PPARG: variants seen among roughly 807,000 people sequenced by gnomAD.
The protein encoded by PPARG is peroxisome proliferator activated receptor gamma.
In PPARG, 17 loss-of-function variants were observed where a neutral mutation model predicts 39.2. The ratio of observed to expected loss-of-function variants is 0.43; its 90% CI spans 0.30 to 0.65. The LOEUF (loss-of-function observed/expected upper bound fraction) is 0.65. Among genes scored for constraint, PPARG ranks in the 30% least tolerant of loss-of-function variants. The pLI, the probability that PPARG is intolerant of heterozygous loss-of-function variation, is 0.13. For missense variants in PPARG, 406 were observed against 585.9 expected, an observed-to-expected ratio of 0.69 and a Z score of 3.17; for synonymous variants, 223 against 215.7, an observed-to-expected ratio of 1.03 and a Z score of -0.30.
At chr3:12,389,554 C>T (rs900411331) in intron 4 of PPARG, among the ~76,000 whole-genome samples, 3 of 152,108 alleles carry the variant, frequency 2.0e-5, no homozygotes, top group African/African-American at 7.2e-5. Flanking sequence ...TAATGGAATT[C>T]AAAGTGTTAA....
chr3:12,375,549 A>G (rs1489956491), intron 2 of PPARG, among the ~76,000 whole-genome samples: 2 of 152,174 alleles, frequency 1.3e-5, no homozygotes, highest in African/African-American at 2.4e-5. Flanking sequence ...CAGTGTAGAC[A>G]AGGGAAATAT....
chr3:12,395,254 T>G (rs1219829305), intron 5 of PPARG, among the ~76,000 whole-genome samples: 1 of 152,252 alleles, frequency 6.6e-6, no homozygotes, highest in African/African-American at 2.4e-5. Context: ...TGCTCTGGTC[T>G]TCACAGATAG....
intron 6 of PPARG, among the ~76,000 whole-genome samples, chr3:12,414,184 T>C (rs1175218116): frequency 3.9e-5 from 6 of 152,196 alleles, no homozygotes; most frequent in Non-Finnish European, 8.8e-5. Flanking sequence ...GCTCTGAAAG[T>C]TGAAGTGGGC....
At chr3:12,321,905 T>C (rs572221770) in intron 2 of PPARG, among the ~76,000 whole-genome samples, 20 of 152,246 alleles carry the variant, frequency 1.3e-4, no homozygotes, top group Non-Finnish European at 2.6e-4. Flanking sequence ...CCAAATATTA[T>C]GCAAGTAATA....
chr3:12,379,275 G>A (rs1274677325), intron 2 of PPARG, among the ~76,000 whole-genome samples: 1 of 152,152 alleles, frequency 6.6e-6, no homozygotes, highest in Non-Finnish European at 1.5e-5. Context: ...AAAGTGCTGG[G>A]ATTACAGGTG....
chr3:12,307,283 T>C (rs548767803), intron 1 of PPARG, among the ~76,000 whole-genome samples: 1 of 152,114 alleles, frequency 6.6e-6, no homozygotes, highest in Non-Finnish European at 1.5e-5. Context: ...GCTCATCTTG[T>C]GTCTGGCCTC....
At chr3:12,345,988 A>C (rs947730313) in intron 2 of PPARG, among the ~76,000 whole-genome samples, 2 of 152,254 alleles carry the variant, frequency 1.3e-5, no homozygotes, top group African/African-American at 4.8e-5. Flanking sequence ...ATGGTATTTT[A>C]CTATGCTAGA....
At position 12,334,225 on chromosome 3, in the gene PPARG, CT is replaced by C. The variant is rs543198905; in HGVS notation, c.-9+21779del. 2.0e-4 allele frequency among the ~76,000 whole-genome samples: 30 copies of C among 150,264 alleles called. No homozygotes were observed. The South Asian group carries it at 2.7e-3, about 14-fold the overall frequency. ...CTTGGCTTAAATTTTATTTTCTTTT[CT>C]TTTTTTCTTTTTTTTTTTCTTTGAG... is the stretch of plus-strand genomic sequence containing the variant. On this transcript the variant is annotated intron_variant, in intron 2 of 7. Coordinates refer to ENST00000651735, the MANE Select transcript of PPARG (RefSeq NM_138711.6).
At chr3:12,323,002 C>T (rs1272112704) in intron 2 of PPARG, among the ~76,000 whole-genome samples, 4 of 151,798 alleles carry the variant, frequency 2.6e-5, no homozygotes, top group Admixed American at 6.6e-5. Context: ...GGTGGAATCT[C>T]GCTATGTTGG....
At chr3:12,424,544 ACT>A (rs951117224) in intron 7 of PPARG, among the ~76,000 whole-genome samples, 2 of 152,002 alleles carry the variant, frequency 1.3e-5, no homozygotes, top group African/African-American at 4.8e-5. Context: ...GTGTGTTTAA[ACT>A]CTGAGTGACC....
intron 2 of PPARG, among the ~76,000 whole-genome samples, chr3:12,376,402 A>G (rs1018640797): frequency 6.6e-6 from 1 of 152,176 alleles, no homozygotes; most frequent in African/African-American, 2.4e-5. Flanking sequence ...TTGCTCCAAA[A>G]AAATGATAAA....
intron 2 of PPARG, among the ~76,000 whole-genome samples, chr3:12,339,964 G>T (rs1215561667): frequency 6.6e-6 from 1 of 152,178 alleles, no homozygotes; most frequent in Non-Finnish European, 1.5e-5. Context: ...TTCTCAAAGT[G>T]TTGATCTGAA....
chr3:12,337,102 A>G (rs1197735017), intron 2 of PPARG, among the ~76,000 whole-genome samples: 3 of 152,220 alleles, frequency 2.0e-5, no homozygotes, highest in African/African-American at 7.2e-5. Flanking sequence ...GGTCTAAATT[A>G]TGTGGTATTG....
chr3:12,379,464 T>C (rs922076609), intron 2 of PPARG, among the ~76,000 whole-genome samples: 2 of 152,206 alleles, frequency 1.3e-5, no homozygotes, highest in Admixed American at 1.3e-4. Context: ...ATGGATACAC[T>C]GTATGTATCT....
intron 2 of PPARG, among the ~76,000 whole-genome samples, chr3:12,357,466 T>TA (rs1198450343): frequency 1.3e-5 from 2 of 152,248 alleles, no homozygotes; most frequent in East Asian, 3.9e-4. Context: ...AATCTTACCT[T>TA]AGAGTGAGGG....
chr3:12,324,389 C>A lies in PPARG; in HGVS notation c.-9+11936C>A, dbSNP rs142120227. 3.3e-5 allele frequency among the ~76,000 whole-genome samples: 5 copies of A among 151,966 alleles called. No individual in the cohort carries two copies. The East Asian group carries it at 9.6e-4, about 29-fold the overall frequency. ...AATGAGGTTGATGTGCCTGCTGTGC[C>A]GGGGGGATAAGAGAAAGGTGTCAGG... On this transcript the variant is annotated intron_variant, in intron 2 of 7. Transcript: ENST00000651735.
intron 2 of PPARG, among the ~76,000 whole-genome samples, chr3:12,323,906 G>A (rs1351500257): frequency 1.3e-5 from 2 of 152,154 alleles, no homozygotes; most frequent in African/African-American, 4.8e-5. Context: ...TGCTAATTTG[G>A]GCAGCGAGTA....
At position 12,330,301 on chromosome 3, in the gene PPARG, T is replaced by TAA. The variant is rs1302998459; in HGVS notation, c.-9+17848_-9+17849insAA. On this transcript the variant is annotated intron_variant, in intron 2 of 7. Transcript: ENST00000651735. The stretch of plus-strand genomic sequence containing the variant: ...CTCTACATTGCTACAACACCTTTTT[T>TAA]TAAAAAAAAAAAAAAAAAAAAAGCT... Among the ~76,000 whole-genome samples, 207 of 114,528 alleles carry TAA rather than the reference T, an allele frequency of 1.8e-3. 1 individual carries two copies. Among genetic ancestry groups the TAA allele is most frequent in the East Asian group, 2.8e-3 (12 of 4,252 alleles). The allele number at this position is 114,528 out of a possible 152,430, so 75.1% of individuals were successfully genotyped here.
chr3:12,397,216 G>T (rs186698498), intron 5 of PPARG, among the ~76,000 whole-genome samples: 3 of 151,352 alleles, frequency 2.0e-5, no homozygotes. Context: ...TTTCTCAGTG[G>T]CTTCATAAAA....
Sources: allele counts gnomAD v4.1 joint callset (sites outside exome capture counted in the v4.1 genomes callset), GRCh38; gene constraint gnomAD v4.1.1; transcripts MANE v1.5; gene names NCBI Gene and HGNC (gene_info 2026-07-23, HGNC 2026-07-21).